The following SEC22B variants were observed in gnomAD, a reference collection of about 807,000 sequenced individuals.
SEC22B encodes the protein SEC22 homolog B, vesicle trafficking protein, also known as vesicle-trafficking protein SEC22b.
A neutral mutation model predicts 31.4 loss-of-function variants in SEC22B; 10 were observed. The ratio of observed to expected loss-of-function variants is 0.32; its 90% CI spans 0.20 to 0.54. The LOEUF (loss-of-function observed/expected upper bound fraction) is 0.54, where lower values mean the gene tolerates loss of function less well. Ranked by LOEUF, SEC22B falls within the 20% of genes least tolerant of loss-of-function variation. SEC22B has a pLI of 0.94. For missense variants in SEC22B, 130 were observed against 263.4 expected (o/e 0.49, Z 3.50); for synonymous variants, 60 against 95.9 (o/e 0.63, Z 2.19).
chr1:120,170,992 A>ATT (rs1657888680), intron 1 of SEC22B, among the ~76,000 whole-genome samples: 4 of 130,238 alleles, frequency 3.1e-5, no homozygotes, highest in South Asian at 2.3e-4. Flanking sequence ...AAATTCTTTA[A>ATT]TAAAAAAAAG....
chr1:120,153,426 T>G lies in SEC22B; in HGVS notation c.*3612A>C, dbSNP rs191016065. 3.0e-3 allele frequency: 421 copies of G among 139,228 alleles called. No homozygotes were observed. The highest frequency in any genetic ancestry group is 6.4e-3 in the African/African-American group (233 of 36,198). 8.6% of individuals were successfully genotyped at this position (139,228 alleles called of 1,614,324 possible). A position where few individuals can be genotyped will look rare whatever the true frequency, so the allele number is the denominator to read the frequency against. On this transcript the variant is annotated 3_prime_UTR_variant, in exon 5 of 5. Coordinates refer to ENST00000578049, the MANE Select transcript of SEC22B (RefSeq NM_004892.6). ...AGATATTTTATTATACATGTTTTAT[T>G]AAACCCTATATGTGCAGAAATGATT...
In SEC22B at chr1:120,176,432, T is replaced by C. The variant is rs1356143529; in HGVS notation, c.-51A>G. The C allele has an allele frequency of 3.3e-6, 5 of 1,511,662 alleles. No individual in the cohort carries two copies. The highest frequency in any genetic ancestry group is 4.6e-6 in the Non-Finnish European group (5 of 1,091,672). 93.6% of individuals were successfully genotyped at this position (1,511,662 alleles called of 1,614,324 possible). A position where few individuals can be genotyped will look rare whatever the true frequency, so the allele number is the denominator to read the frequency against. ...CTGGCCCGGAAGGCCCTTGGCGCCG[T>C]CCTCACTTCCTCCGCCGCGACAACA... On this transcript the variant is annotated 5_prime_UTR_variant, in exon 1 of 5. Transcript: ENST00000578049.
chr1:120,167,294 A>C (rs1657827830), intron 2 of SEC22B, among the ~76,000 whole-genome samples: 1 of 151,874 alleles, frequency 6.6e-6, no homozygotes, highest in East Asian at 1.9e-4. Flanking sequence ...TTTCAAAACA[A>C]GTGTAAGCAA....
chr1:120,169,892 C>T (rs1462656871), intron 1 of SEC22B, among the ~76,000 whole-genome samples: 2 of 148,592 alleles, frequency 1.3e-5, no homozygotes, highest in Non-Finnish European at 3.0e-5. Context: ...TGTTGAAATC[C>T]TAACCCCCCA....
At chr1:120,170,078 T>C (rs1304033411) in intron 1 of SEC22B, among the ~76,000 whole-genome samples, 8 of 144,760 alleles carry the variant, frequency 5.5e-5, no homozygotes, top group African/African-American at 2.1e-4. Context: ...AGGCCCTCAA[T>C]AGTCACCAAA....
chr1:120,166,013 C>A (rs1479859595), intron 2 of SEC22B, among the ~76,000 whole-genome samples: 10 of 150,626 alleles, frequency 6.6e-5, no homozygotes, highest in East Asian at 1.9e-4. Flanking sequence ...AAAAGACATG[C>A]GAATGGCCAA....
At chr1:120,163,757 G>A (rs1254124662) in intron 2 of SEC22B, among the ~76,000 whole-genome samples, 1 of 151,018 alleles carries the variant, frequency 6.6e-6, no homozygotes, top group East Asian at 2.0e-4. Context: ...TGTATTTTTA[G>A]TAGAGACGGG....
intron 2 of SEC22B, among the ~76,000 whole-genome samples, chr1:120,164,760 C>T (rs1657780214): frequency 6.6e-6 from 1 of 151,936 alleles, no homozygotes. Context: ...AGATTTGTTT[C>T]CTTTTGGATA....
chr1:120,152,632 A>G lies in SEC22B; in HGVS notation c.*4406T>C, dbSNP rs797036265. 1 of 151,146 alleles carries G rather than the reference A, an allele frequency of 6.6e-6. No homozygotes were observed. Among genetic ancestry groups the G allele is most frequent in the South Asian group, 2.1e-4 (1 of 4,782 alleles). The allele number at this position is 151,146 out of a possible 1,614,324, so 9.4% of individuals were successfully genotyped here. On this transcript the variant is annotated 3_prime_UTR_variant, in exon 5 of 5. Coordinates refer to ENST00000578049, the MANE Select transcript of SEC22B (RefSeq NM_004892.6). Reference sequence around the variant, plus strand: ...TTACAAACCAAGAGTAAAAAAGGGAAAACAAAATAACAAAAGCAAAAACTA... The same window carrying G: ...TTACAAACCAAGAGTAAAAAAGGGAGAACAAAATAACAAAAGCAAAAACTA...
chr1:120,171,048 A>G (rs1305843868), intron 1 of SEC22B, among the ~76,000 whole-genome samples: 1 of 130,994 alleles, frequency 7.6e-6, no homozygotes, highest in East Asian at 2.1e-4. Context: ...AAATAATATC[A>G]ACATAGATCG....
Position 120,156,613 on chromosome 1 carries a change from A to C in SEC22B, c.*425T>G, listed in dbSNP as rs1657629904. On this transcript the variant is annotated 3_prime_UTR_variant, in exon 5 of 5. Coordinates refer to ENST00000578049, the MANE Select transcript of SEC22B (RefSeq NM_004892.6). ...AATGTTGATTAGAGTCAAAAAAAAA[A>C]AAAAAAAAAAAAACACCTTCCCAAA... The C allele has an allele frequency of 6.8e-6, 1 of 147,148 alleles. No individual in the cohort carries two copies. Among genetic ancestry groups the C allele is most frequent in the African/African-American group, 2.5e-5 (1 of 39,976 alleles). The allele number at this position is 147,148 out of a possible 1,614,324, so 9.1% of individuals were successfully genotyped here.
Position 120,160,451 on chromosome 1 carries a change from C to A in SEC22B, c.426G>T (p.Leu142Phe), listed in dbSNP as rs1460200300. 1 of 1,612,316 alleles carries A rather than the reference C, an allele frequency of 6.2e-7. No individual in the cohort carries two copies. Among genetic ancestry groups the A allele is most frequent in the Non-Finnish European group, 8.5e-7 (1 of 1,178,992 alleles). Residue 142 changes from leucine to phenylalanine, a missense_variant, in exon 4 of 5, where the codon TTG becomes TTT. This residue lies in a region of SEC22B where 53 missense variants were observed against 63.3 expected (regional missense o/e 0.84). Coordinates refer to ENST00000578049, the MANE Select transcript of SEC22B (RefSeq NM_004892.6). ...RRNLGSINTE[L>F]QDVQRIMVAN... ...CCACCATGATCCTCTGCACATCTTGCAATTCAGTGTTGATGGAGCCTAGAT... is the reference window on the plus strand; with the variant it reads ...CCACCATGATCCTCTGCACATCTTGAAATTCAGTGTTGATGGAGCCTAGAT...
chr1:120,163,571 CTTTTT>C lies in SEC22B; in HGVS notation c.186-206_186-202del, dbSNP rs1213284888. Reference sequence around the variant, plus strand: ...ATCTTCCCATTATTAGATGTATATTCTTTTTTTTTTCTTTTTTTTTTTGAGACGGA... The same window carrying C: ...ATCTTCCCATTATTAGATGTATATTCTTTTTCTTTTTTTTTTTGAGACGGA... On this transcript the variant is annotated intron_variant, in intron 2 of 4. Coordinates refer to ENST00000578049, the MANE Select transcript of SEC22B (RefSeq NM_004892.6). Among the ~76,000 whole-genome samples the C allele has an allele frequency of 1.2e-4, 12 of 102,604 alleles. 1 individual carries two copies. Among genetic ancestry groups the C allele is most frequent in the Non-Finnish European group, 5.2e-5 (3 of 57,370 alleles). 67.3% of individuals were successfully genotyped at this position (102,604 alleles called of 152,430 possible). A position where few individuals can be genotyped will look rare whatever the true frequency, so the allele number is the denominator to read the frequency against.
rs1241671867 is a variant in SEC22B at position 120,152,692 on chromosome 1, T to C, written c.*4346A>G. The stretch of plus-strand genomic sequence containing the variant: ...AATAAAGGAAGACGTGATAATGAAG[T>C]AAATTTAAAAAGTACGGAATAATAA... On this transcript the variant is annotated 3_prime_UTR_variant, in exon 5 of 5. Coordinates refer to ENST00000578049, the MANE Select transcript of SEC22B (RefSeq NM_004892.6). 4 of 144,226 alleles carry C rather than the reference T, an allele frequency of 2.8e-5. No homozygotes were observed. Among genetic ancestry groups the C allele is most frequent in the African/African-American group, 1.1e-4 (4 of 34,990 alleles). The allele number at this position is 144,226 out of a possible 1,614,324, so 8.9% of individuals were successfully genotyped here. A position where few individuals can be genotyped will look rare whatever the true frequency, so the allele number is the denominator to read the frequency against.
chr1:120,156,877 A>C lies in SEC22B; in HGVS notation c.*161T>G. ...ACATAGGGTTAAGCTTCATTAAATG[A>C]GGTGCAACCTTTCATTTTCAGGGCA... is the stretch of plus-strand genomic sequence containing the variant. On this transcript the variant is annotated 3_prime_UTR_variant, in exon 5 of 5. Coordinates refer to ENST00000578049, the MANE Select transcript of SEC22B (RefSeq NM_004892.6). 1 of 441,232 alleles carries C rather than the reference A, an allele frequency of 2.3e-6. No homozygotes were observed. The highest frequency in any genetic ancestry group is 3.8e-6 in the Non-Finnish European group (1 of 260,416). The allele number at this position is 441,232 out of a possible 1,614,324, so 27.3% of individuals were successfully genotyped here. A position where few individuals can be genotyped will look rare whatever the true frequency, so the allele number is the denominator to read the frequency against.
At chr1:120,165,480 C>A (rs1657791386) in intron 2 of SEC22B, among the ~76,000 whole-genome samples, 1 of 151,948 alleles carries the variant, frequency 6.6e-6, no homozygotes, top group Admixed American at 6.6e-5. Context: ...TCTTTTTAGC[C>A]ATAGTATACA....
In SEC22B at chr1:120,156,890, C is replaced by T. The variant is rs1276021042; in HGVS notation, c.*148G>A. 10 of 531,726 alleles carry T rather than the reference C, an allele frequency of 1.9e-5. No individual in the cohort carries two copies. The highest frequency in any genetic ancestry group is 4.3e-5 in the Admixed American group (1 of 23,478). The allele number at this position is 531,726 out of a possible 1,614,324, so 32.9% of individuals were successfully genotyped here. ...CTTCATTAAATGAGGTGCAACCTTT[C>T]ATTTTCAGGGCATCTCTTTTCTTGC... On this transcript the variant is annotated 3_prime_UTR_variant, in exon 5 of 5. Coordinates refer to ENST00000578049, the MANE Select transcript of SEC22B (RefSeq NM_004892.6).
At chr1:120,169,516 A>C (rs1172943025) in intron 1 of SEC22B, among the ~76,000 whole-genome samples, 1 of 152,286 alleles carries the variant, frequency 6.6e-6, no homozygotes, top group Non-Finnish European at 1.5e-5. Context: ...TTACTGAAGA[A>C]ATCTATTTGG....
chr1:120,161,537 A>G (rs1245777008), intron 3 of SEC22B, among the ~76,000 whole-genome samples: 1 of 152,160 alleles, frequency 6.6e-6, no homozygotes, highest in African/African-American at 2.4e-5. Context: ...TCTACCAAAA[A>G]TACCGAAATT....
Sources: allele counts gnomAD v4.1 joint callset (sites outside exome capture counted in the v4.1 genomes callset), GRCh38; gene constraint gnomAD v4.1.1; regional missense constraint gnomAD v4.1.1; transcripts MANE v1.5; gene names NCBI Gene and HGNC (gene_info 2026-07-23, HGNC 2026-07-21).